Variants in HEMK2 observed in about 807,000 individuals in gnomAD.
The protein encoded by HEMK2 is methyltransferase HEMK2.
At chr21:28,850,555 G>A in the HEMK2 span, among the ~76,000 whole-genome samples, 1 of 152,166 alleles carries the variant, frequency 6.6e-6, no homozygotes, top group East Asian at 1.9e-4. Flanking sequence ...TTTACATGGA[G>A]CCAAACTAAG....
the HEMK2 span, among the ~76,000 whole-genome samples, chr21:28,592,416 T>A: frequency 6.6e-6 from 1 of 152,168 alleles, no homozygotes; most frequent in African/African-American, 2.4e-5. Flanking sequence ...ATAAAGATGA[T>A]GTCATTAACA....
At chr21:28,723,224 TG>T in the HEMK2 span, among the ~76,000 whole-genome samples, 2 of 152,154 alleles carry the variant, frequency 1.3e-5, no homozygotes, top group Non-Finnish European at 2.9e-5. Context: ...TTATGTTGCC[TG>T]GGCTGGTCTC....
At chr21:28,858,844 C>T in the HEMK2 span, among the ~76,000 whole-genome samples, 1 of 152,188 alleles carries the variant, frequency 6.6e-6, no homozygotes, top group Non-Finnish European at 1.5e-5. Flanking sequence ...CTGAGCAACT[C>T]TCTAAAACAT....
the HEMK2 span, among the ~76,000 whole-genome samples, chr21:28,796,703 C>T: frequency 1.3e-5 from 2 of 151,940 alleles, no homozygotes; most frequent in Non-Finnish European, 2.9e-5. Flanking sequence ...TAGCTGGGAC[C>T]ACAGGTACAT....
At chr21:28,858,570 G>C in the HEMK2 span, among the ~76,000 whole-genome samples, 11,586 of 151,862 alleles carry the variant, frequency 0.076, 1,068 homozygotes, top group African/African-American at 0.21. Context: ...AAAGGAGGAA[G>C]GGAGGGAGGA....
chr21:28,579,881 G>T, the HEMK2 span, among the ~76,000 whole-genome samples: 1 of 152,124 alleles, frequency 6.6e-6, no homozygotes, highest in African/African-American at 2.4e-5. Flanking sequence ...CTGTGAAAAA[G>T]CTTAATTCCC....
At chr21:28,766,245 T>C in the HEMK2 span, among the ~76,000 whole-genome samples, 3 of 151,906 alleles carry the variant, frequency 2.0e-5, no homozygotes, top group African/African-American at 7.3e-5. Context: ...ATGGCACATG[T>C]ATACCCATGT....
the HEMK2 span, among the ~76,000 whole-genome samples, chr21:28,741,782 T>C: frequency 6.6e-6 from 1 of 152,210 alleles, no homozygotes; most frequent in Non-Finnish European, 1.5e-5. Context: ...TGTACCACAT[T>C]TTCTATATCC....
At chr21:28,864,351 G>A in the HEMK2 span, among the ~76,000 whole-genome samples, 5 of 152,114 alleles carry the variant, frequency 3.3e-5, no homozygotes, top group Non-Finnish European at 5.9e-5. Flanking sequence ...GATTTCTACA[G>A]CTTCAAATAT....
the HEMK2 span, among the ~76,000 whole-genome samples, chr21:28,614,854 G>GAAA: frequency 6.6e-6 from 1 of 152,032 alleles, no homozygotes; most frequent in African/African-American, 2.4e-5. Context: ...TTCTCTTTTT[G>GAAA]AGTTTCAAAA....
chr21:28,623,362 G>C, the HEMK2 span, among the ~76,000 whole-genome samples: 1 of 152,134 alleles, frequency 6.6e-6, no homozygotes, highest in Admixed American at 6.5e-5. Flanking sequence ...GTGGAGAAAT[G>C]GGAATGCTTT....
chr21:28,583,349 A>G, the HEMK2 span, among the ~76,000 whole-genome samples: 1 of 152,176 alleles, frequency 6.6e-6, no homozygotes, highest in Non-Finnish European at 1.5e-5. Context: ...CAATGGCTGT[A>G]GATTATTGAG....
the HEMK2 span, among the ~76,000 whole-genome samples, chr21:28,708,776 T>C: frequency 6.6e-6 from 1 of 152,174 alleles, no homozygotes; most frequent in Non-Finnish European, 1.5e-5. Flanking sequence ...GTGACCTCTA[T>C]AAAGGCATAG....
the HEMK2 span, among the ~76,000 whole-genome samples, chr21:28,699,526 C>G: frequency 6.6e-6 from 1 of 152,098 alleles, no homozygotes; most frequent in African/African-American, 2.4e-5. Context: ...AAAAATTTAA[C>G]AAGAAGAATA....
the HEMK2 span, among the ~76,000 whole-genome samples, chr21:28,616,606 AT>A: frequency 2.0e-5 from 3 of 152,188 alleles, no homozygotes; most frequent in Non-Finnish European, 4.4e-5. Flanking sequence ...AGCCTACGCC[AT>A]TGTAGGAAAG....
chr21:28,871,564 C>T, the HEMK2 span, among the ~76,000 whole-genome samples: 8 of 152,272 alleles, frequency 5.3e-5, no homozygotes, highest in South Asian at 1.0e-3. Context: ...ATGTCTATTC[C>T]TAATTAGCTT....
chr21:28,820,431 C>T, the HEMK2 span, among the ~76,000 whole-genome samples: 3 of 152,158 alleles, frequency 2.0e-5, no homozygotes, highest in Non-Finnish European at 4.4e-5. Flanking sequence ...CAACAGACCT[C>T]GACAGACTTT....
At chr21:28,777,609 G>A in the HEMK2 span, among the ~76,000 whole-genome samples, 1 of 152,148 alleles carries the variant, frequency 6.6e-6, no homozygotes, top group African/African-American at 2.4e-5. Flanking sequence ...TCAAGGAAAA[G>A]GGGATGAAAT....
chr21:28,760,989 T>C, the HEMK2 span, among the ~76,000 whole-genome samples: 16,881 of 152,192 alleles, frequency 0.11, 1,514 homozygotes, highest in African/African-American at 0.23. Context: ...TATGTTATTA[T>C]TTATTTTCAC....
Sources: gnomAD v4.1 joint callset for allele counts (sites outside exome capture counted in the v4.1 genomes callset) on GRCh38, gnomAD v4.1.1 for gene constraint, MANE v1.5 for transcripts, NCBI Gene and HGNC (gene_info 2026-07-23, HGNC 2026-07-21) for gene names.